Variants in APPL2 observed in about 807,000 individuals in gnomAD.
The protein encoded by APPL2 is DCC-interacting protein 13-beta.
Under a neutral mutation model 92.7 loss-of-function variants are expected in APPL2, and 84 were observed. The observed-to-expected ratio is 0.91, with a 90% CI of 0.76 to 1.09. The LOEUF is 1.09. Among genes scored for constraint, APPL2 ranks in the 50% least tolerant of loss-of-function variants. APPL2 has a pLI of 0.00. For missense variants in APPL2, 736 were observed against 824.5 expected (o/e 0.89, Z 1.31); for synonymous variants, 291 against 291.0 (o/e 1.00, Z 0.00).
At position 105,180,341 on chromosome 12, in the gene APPL2, GT is replaced by G. The variant is rs1885992210; in HGVS notation, c.1635-3080del. On this transcript the variant is annotated intron_variant, in intron 17 of 20. Coordinates refer to ENST00000258530, the MANE Select transcript of APPL2 (RefSeq NM_018171.5). ...TTCTGTTCCATTGGTCTATATATCT[GT>G]TTTGGTACCAGTACCATGCTGTTTT... Among the ~76,000 whole-genome samples the G allele has an allele frequency of 2.6e-5, 4 of 152,148 alleles. No homozygotes were observed. The South Asian group carries it at 8.3e-4, about 32-fold the overall frequency.
chr12:105,201,550 G>T (rs1313265544), intron 9 of APPL2, among the ~76,000 whole-genome samples: 2 of 152,116 alleles, frequency 1.3e-5, no homozygotes, highest in East Asian at 3.9e-4. Flanking sequence ...ACAACTCCAG[G>T]AGATTTTTAG....
chr12:105,222,468 G>A (rs922102876), intron 2 of APPL2, among the ~76,000 whole-genome samples: 6 of 152,242 alleles, frequency 3.9e-5, no homozygotes, highest in Middle Eastern at 6.8e-3. Context: ...TGAGGAAGGC[G>A]GGGGAGTCAG....
chr12:105,216,022 G>A lies in APPL2; in HGVS notation c.285+1047C>T, dbSNP rs539452073. Among the ~76,000 whole-genome samples the A allele has an allele frequency of 3.3e-5, 5 of 152,218 alleles. No homozygotes were observed. The South Asian group carries it at 1.0e-3, about 32-fold the overall frequency. Reference sequence around the variant, plus strand: ...AGCCTGGGAAACAGAGCGAGACTCCGTCTTATAAACAACAAAAAAAGATGG... The same window carrying A: ...AGCCTGGGAAACAGAGCGAGACTCCATCTTATAAACAACAAAAAAAGATGG... On this transcript the variant is annotated intron_variant, in intron 4 of 20. Transcript: ENST00000258530.
In APPL2 at chr12:105,217,103, G is replaced by T; in HGVS notation, c.251C>A (p.Ser84Ter). 2 of 1,610,982 alleles carry T rather than the reference G, an allele frequency of 1.2e-6. No homozygotes were observed. Among genetic ancestry groups the T allele is most frequent in the South Asian group, 1.1e-5 (1 of 90,646 alleles). ...CACTTTGGAAAAATAGTGGAGTGTT[G>T]AAATTACTTCTTCATCACCTTTGCC... ...ALGKGDEEVISTLHYFSKVVD... is the reference protein window; with the variant it reads ...ALGKGDEEVI The change falls in exon 4 of 21, where the codon TCA (serine) becomes TAA (stop). Residue 84 changes from serine to a stop codon, truncating the protein, a stop_gained. Coordinates refer to ENST00000258530, the MANE Select transcript of APPL2 (RefSeq NM_018171.5). LOFTEE classifies it high-confidence loss of function.
chr12:105,181,498 TC>T (rs1484827497), intron 17 of APPL2, among the ~76,000 whole-genome samples: 8 of 152,204 alleles, frequency 5.3e-5, no homozygotes, highest in African/African-American at 1.9e-4. Flanking sequence ...GAGGAGTCCC[TC>T]TTTTTCTATT....
chr12:105,190,571 C>T (rs894408060), intron 14 of APPL2, among the ~76,000 whole-genome samples: 5 of 152,228 alleles, frequency 3.3e-5, no homozygotes, highest in African/African-American at 9.6e-5. Flanking sequence ...GCCTCCCTTT[C>T]CACTCCTTTA....
intron 1 of APPL2, among the ~76,000 whole-genome samples, chr12:105,233,714 C>G (rs1325453656): frequency 1.3e-5 from 2 of 152,110 alleles, no homozygotes; most frequent in African/African-American, 2.4e-5. Context: ...CTAGTACAGG[C>G]AAGTTGCCTG....
chr12:105,220,521 A>C (rs1006894596), intron 2 of APPL2, among the ~76,000 whole-genome samples: 1 of 152,198 alleles, frequency 6.6e-6, no homozygotes, highest in Non-Finnish European at 1.5e-5. Context: ...ACACCATTTC[A>C]GATCCCAGGA....
chr12:105,229,820 C>A, intron 1 of APPL2: 9 of 961,058 alleles, frequency 9.4e-6, no homozygotes, highest in Non-Finnish European at 1.1e-5. Flanking sequence ...CTCTTGTTGC[C>A]CAGGCTGGAG....
chr12:105,222,970 G>A (rs11112415), intron 2 of APPL2, among the ~76,000 whole-genome samples: 29,100 of 152,140 alleles, frequency 0.19, 2,953 homozygotes, highest in East Asian at 0.27. Context: ...GAGTGGCAGA[G>A]CAAGAGTGGA....
At position 105,189,994 on chromosome 12, in the gene APPL2, CTCCCTCTGTTCTGA is replaced by C. The variant is rs1887058293; in HGVS notation, c.1389_1402del (p.Asp463GlufsTer9). 1 of 1,613,956 alleles carries C rather than the reference CTCCCTCTGTTCTGA, an allele frequency of 6.2e-7. No individual in the cohort carries two copies. Among genetic ancestry groups the C allele is most frequent in the Admixed American group, 1.7e-5 (1 of 59,990 alleles). On this transcript the variant is annotated frameshift_variant, in exon 15 of 21. Coordinates refer to ENST00000258530, the MANE Select transcript of APPL2 (RefSeq NM_018171.5). LOFTEE classifies it high-confidence loss of function. ...GATAACCTCTCTCAGCCCATACCTG[CTCCCTCTGTTCTGA>C]TCAAGGAATTCTGTAGCAGGAAGCA...
chr12:105,216,527 C>T (rs1889708512), intron 4 of APPL2, among the ~76,000 whole-genome samples: 1 of 151,812 alleles, frequency 6.6e-6, no homozygotes, highest in African/African-American at 2.4e-5. Flanking sequence ...AAATCCAATG[C>T]CAAGTGCCTG....
At chr12:105,195,231 A>G in intron 14 of APPL2, 30 bp downstream of exon 14, 1 of 1,609,478 alleles carries the variant, frequency 6.2e-7, no homozygotes, top group Non-Finnish European at 8.5e-7. Flanking sequence ...TGGCTCCACA[A>G]AAGCTAGTTT....
chr12:105,235,927 C>T (rs1216730254), intron 1 of APPL2, 32 bp downstream of exon 1: 5 of 1,234,184 alleles, frequency 4.1e-6, no homozygotes, highest in Non-Finnish European at 5.1e-6. Flanking sequence ...CTCACCCCTG[C>T]GGGCGAGGGG....
At position 105,217,079 on chromosome 12, in the gene APPL2, A is replaced by G. The variant is rs765672765; in HGVS notation, c.275T>C (p.Val92Ala). The G allele has an allele frequency of 1.2e-6, 2 of 1,609,008 alleles. No homozygotes were observed. Among genetic ancestry groups the G allele is most frequent in the South Asian group, 2.2e-5 (2 of 90,548 alleles). Residue 92 changes from valine (V) to alanine (A), a missense_variant, in exon 4 of 21, where the codon GTG becomes GCG. Val to Ala is a moderately conservative substitution (Grantham distance 64). Coordinates refer to ENST00000258530, the MANE Select transcript of APPL2 (RefSeq NM_018171.5). ...VISTLHYFSK[V>A]VDELNLLHTE... ...ATGTTGCTATCTTACCTCATCCACC[A>G]CTTTGGAAAAATAGTGGAGTGTTGA...
At chr12:105,215,238 G>A (rs1889585481) in intron 4 of APPL2, among the ~76,000 whole-genome samples, 1 of 152,100 alleles carries the variant, frequency 6.6e-6, no homozygotes, top group African/African-American at 2.4e-5. Flanking sequence ...GGGTAGTCTG[G>A]CGGGATCATG....
rs1316487782 is a variant in APPL2, at chr12:105,208,292, G to C, written c.374-93C>G. 6.6e-5 allele frequency: 98 copies of C among 1,481,522 alleles called. 1 individual carries two copies. In the South Asian group the frequency reaches 1.1e-3, roughly 17 times the overall value. The allele number at this position is 1,481,522 out of a possible 1,614,324, so 91.8% of individuals were successfully genotyped here. A position where few individuals can be genotyped will look rare whatever the true frequency, so the allele number is the denominator to read the frequency against. On this transcript the variant is annotated intron_variant, in intron 5 of 20. Coordinates refer to ENST00000258530, the MANE Select transcript of APPL2 (RefSeq NM_018171.5). ...CTTTCCCCTGAAAATAAGAGAATAT[G>C]CGTGCAAGGGAAGCCCCTGCACCCT...
Position 105,207,155 on chromosome 12 carries a change from A to G in APPL2, c.527T>C (p.Leu176Pro). 1 of 1,614,044 alleles carries G rather than the reference A, an allele frequency of 6.2e-7. No individual in the cohort carries two copies. Among genetic ancestry groups the G allele is most frequent in the African/African-American group, 1.3e-5 (1 of 75,010 alleles). ...GGCACAGTAGTACTGAAGGGAGGAG[A>G]GGTGCTGCTTCCGCCGGGCCGCGGC... ...EVAAARRKQH[L>P]SSLQYYCALN... The change falls in exon 8 of 21, where the codon CTC becomes CCC. Residue 176 changes from leucine (L) to proline (P), a missense_variant. By Grantham distance (98) the Leu-to-Pro change is moderately conservative (BLOSUM62 -3). Transcript: ENST00000258530.
chr12:105,199,269 C>T, intron 10 of APPL2, 104 bp downstream of exon 10: 3 of 1,376,902 alleles, frequency 2.2e-6, no homozygotes, highest in Non-Finnish European at 3.0e-6. Flanking sequence ...CCAGTCTCAC[C>T]CACCCACCTC....
Sources: allele counts gnomAD v4.1 joint callset (sites outside exome capture counted in the v4.1 genomes callset), GRCh38; gene constraint gnomAD v4.1.1; transcripts MANE v1.5; gene names NCBI Gene and HGNC (gene_info 2026-07-23, HGNC 2026-07-21).